SPATA17: variants seen among roughly 807,000 people sequenced by gnomAD.
SPATA17 encodes the protein spermatogenesis associated 17, also known as spermatogenesis-associated protein 17.
SPATA17 carries 53 observed loss-of-function variants against 62.2 expected under a neutral mutation model. The ratio of observed to expected loss-of-function variants is 0.85; its 90% CI spans 0.68 to 1.07. The LOEUF (loss-of-function observed/expected upper bound fraction) is 1.07, where lower values mean the gene tolerates loss of function less well. Ranked by LOEUF, SPATA17 falls within the 50% of genes least tolerant of loss-of-function variation. SPATA17 has a pLI of 0.00. For missense variants in SPATA17, 466 were observed against 425.5 expected, an observed-to-expected ratio of 1.10 and a Z score of -0.84; for synonymous variants, 146 against 146.8, an observed-to-expected ratio of 0.99 and a Z score of 0.04.
At chr1:217,684,670 C>T (rs1299368239) in intron 5 of SPATA17, among the ~76,000 whole-genome samples, 2 of 152,170 alleles carry the variant, frequency 1.3e-5, no homozygotes, top group African/African-American at 2.4e-5. Context: ...CCCACCTCGG[C>T]CTCCCAAAGT....
At chr1:217,677,790 G>T (rs1426964827) in intron 4 of SPATA17, among the ~76,000 whole-genome samples, 1 of 151,710 alleles carries the variant, frequency 6.6e-6, no homozygotes, top group Non-Finnish European at 1.5e-5. Context: ...TGAGAGTGGG[G>T]AAACAGAATA....
intron 9 of SPATA17, among the ~76,000 whole-genome samples, chr1:217,810,392 G>T (rs1674557553): frequency 6.6e-6 from 1 of 152,112 alleles, no homozygotes; most frequent in Admixed American, 6.5e-5. Context: ...ACCTGGCCAA[G>T]GCAGGCGGAT....
chr1:217,855,749 A>G (rs1288099127), intron 9 of SPATA17, among the ~76,000 whole-genome samples: 1 of 30,362 alleles, frequency 3.3e-5, no homozygotes, highest in South Asian at 1.4e-3. Context: ...TTTTTTTGAG[A>G]TGGAGTCTCG....
At chr1:217,840,516 A>T (rs1675368334) in intron 9 of SPATA17, among the ~76,000 whole-genome samples, 2 of 152,098 alleles carry the variant, frequency 1.3e-5, no homozygotes, top group South Asian at 4.1e-4. Flanking sequence ...CTAGCTCTTT[A>T]AACTTACTTT....
chr1:217,694,779 TG>T (rs1671417961), intron 5 of SPATA17, among the ~76,000 whole-genome samples: 1 of 147,634 alleles, frequency 6.8e-6, no homozygotes, highest in South Asian at 2.2e-4. Flanking sequence ...TATGAAATTC[TG>T]GGTTGAAAAT....
At chr1:217,779,271 A>C (rs1337923373) in intron 7 of SPATA17, among the ~76,000 whole-genome samples, 1 of 151,726 alleles carries the variant, frequency 6.6e-6, no homozygotes, top group African/African-American at 2.4e-5. Flanking sequence ...ATATATGTAT[A>C]CTTACATATA....
At chr1:217,777,798 G>A (rs1225686118) in intron 7 of SPATA17, among the ~76,000 whole-genome samples, 1 of 152,140 alleles carries the variant, frequency 6.6e-6, no homozygotes, top group Non-Finnish European at 1.5e-5. Context: ...GCATAGTGGA[G>A]TGAGCAAGGG....
chr1:217,632,818 G>T (rs537631561), intron 1 of SPATA17, among the ~76,000 whole-genome samples: 14 of 152,300 alleles, frequency 9.2e-5, no homozygotes, highest in African/African-American at 2.9e-4. Flanking sequence ...TGTGGCAGGT[G>T]CTGTATTTAT....
At chr1:217,786,759 C>CTTCTTCTTCTTCT (rs1558050781) in intron 8 of SPATA17, among the ~76,000 whole-genome samples, 3 of 126,736 alleles carry the variant, frequency 2.4e-5, no homozygotes, top group African/African-American at 1.1e-4. Flanking sequence ...CTTTCTTCTT[C>CTTCTTCTTCTTCT]TTCTTCTTCT....
intron 9 of SPATA17, among the ~76,000 whole-genome samples, chr1:217,858,025 A>G (rs1010806885): frequency 2.6e-5 from 4 of 152,236 alleles, no homozygotes; most frequent in African/African-American, 4.8e-5. Context: ...ATGCTTCATT[A>G]TATCAGATGA....
intron 5 of SPATA17, among the ~76,000 whole-genome samples, chr1:217,718,661 A>G (rs1416750973): frequency 1.3e-5 from 2 of 152,166 alleles, no homozygotes; most frequent in African/African-American, 4.8e-5. Context: ...GGGAGTTAGG[A>G]AAACAAGACA....
chr1:217,717,298 G>A (rs75597829), intron 5 of SPATA17, among the ~76,000 whole-genome samples: 4 of 152,140 alleles, frequency 2.6e-5, no homozygotes, highest in Non-Finnish European at 5.9e-5. Flanking sequence ...ATTGGAGATA[G>A]TTTGGTGCTA....
intron 7 of SPATA17, among the ~76,000 whole-genome samples, chr1:217,774,918 C>T (rs1051007344): frequency 6.6e-5 from 10 of 152,150 alleles, no homozygotes; most frequent in African/African-American, 1.9e-4. Context: ...ATTTGAGTTG[C>T]GACCACACTT....
intron 4 of SPATA17, among the ~76,000 whole-genome samples, chr1:217,672,884 C>G (rs528154395): frequency 6.6e-6 from 1 of 152,246 alleles, no homozygotes; most frequent in East Asian, 1.9e-4. Flanking sequence ...CCCTGCTCCC[C>G]TGTACACTAT....
chr1:217,837,115 A>G (rs1290352695), intron 9 of SPATA17, among the ~76,000 whole-genome samples: 1 of 152,062 alleles, frequency 6.6e-6, no homozygotes, highest in Non-Finnish European at 1.5e-5. Flanking sequence ...AAATGTGACT[A>G]GTTTCTATAT....
At chr1:217,842,601 A>AT (rs1392652226) in intron 9 of SPATA17, among the ~76,000 whole-genome samples, 1 of 151,960 alleles carries the variant, frequency 6.6e-6, no homozygotes, top group Non-Finnish European at 1.5e-5. Flanking sequence ...ATATATTAAT[A>AT]TTTAATTCGA....
At chr1:217,654,788 C>G (rs543539854) in intron 3 of SPATA17, among the ~76,000 whole-genome samples, 36 of 150,846 alleles carry the variant, frequency 2.4e-4, no homozygotes, top group African/African-American at 8.3e-4. Flanking sequence ...GCTCAGCTCA[C>G]TGCAACCTCT....
chr1:217,683,204 A>T, intron 4 of SPATA17, 54 bp from the exon 5 acceptor site: 1 of 1,297,494 alleles, frequency 7.7e-7, no homozygotes, highest in Non-Finnish European at 1.1e-6. Flanking sequence ...GTGCTATTAC[A>T]TTTTTAATAA....
Position 217,646,587 on chromosome 1 carries a change from G to A in SPATA17, c.69-2295G>A, listed in dbSNP as rs567389028. Among the ~76,000 whole-genome samples, 4 of 151,848 alleles carry A rather than the reference G, an allele frequency of 2.6e-5. No individual in the cohort carries two copies. In the South Asian group the frequency reaches 6.2e-4, roughly 24 times the overall value. On this transcript the variant is annotated intron_variant, in intron 1 of 10. Coordinates refer to ENST00000366933, the MANE Select transcript of SPATA17 (RefSeq NM_138796.4). ...TTTCTTACTCTCTTCCCCTTTAGAA[G>A]CAGTGATGGTTAAAAACCCAGCCTC...
Sources: allele counts gnomAD v4.1 joint callset (sites outside exome capture counted in the v4.1 genomes callset), GRCh38; gene constraint gnomAD v4.1.1; transcripts MANE v1.5; gene names NCBI Gene and HGNC (gene_info 2026-07-23, HGNC 2026-07-21).